Variants in PLEKHA5 observed in about 807,000 individuals in gnomAD.
PLEKHA5 encodes the protein pleckstrin homology domain-containing family A member 5.
In PLEKHA5, 55 loss-of-function variants were observed where a neutral mutation model predicts 181.9. The observed-to-expected ratio is 0.30, with a 90% CI of 0.24 to 0.38. The LOEUF (loss-of-function observed/expected upper bound fraction) is 0.38, where lower values mean the gene tolerates loss of function less well. Among genes scored for constraint, PLEKHA5 ranks in the 10% least tolerant of loss-of-function variants. The probability of loss-of-function intolerance (pLI) is 1.00; values close to 1 mark genes in which losing one functional copy is unlikely to be tolerated. For synonymous variants in PLEKHA5, 535 were observed against 529.4 expected, an observed-to-expected ratio of 1.01 and a Z score of -0.15; for missense variants, 1,432 against 1,549.5, an observed-to-expected ratio of 0.92 and a Z score of 1.27.
chr12:19,196,449 A>G (rs2152018423), intron 3 of PLEKHA5, among the ~76,000 whole-genome samples: 1 of 152,322 alleles, frequency 6.6e-6, no homozygotes. Flanking sequence ...TGTTATAAAG[A>G]ATAAAAAATA....
chr12:19,334,862 A>ATATATATATATC (rs1565630250), intron 20 of PLEKHA5, among the ~76,000 whole-genome samples: 3 of 62,690 alleles, frequency 4.8e-5, no homozygotes, highest in African/African-American at 1.4e-4. Context: ...ATATATATAT[A>ATATATATATATC]TATATATCTC....
At chr12:19,193,261 T>C (rs906838055) in intron 3 of PLEKHA5, among the ~76,000 whole-genome samples, 1 of 152,212 alleles carries the variant, frequency 6.6e-6, no homozygotes, top group South Asian at 2.1e-4. Flanking sequence ...TATAGTAAGA[T>C]TCACAAGAAT....
At chr12:19,255,232 T>C in intron 5 of PLEKHA5, 67 bp downstream of exon 5, 1 of 954,620 alleles carries the variant, frequency 1.0e-6, no homozygotes, top group Admixed American at 2.8e-5. Flanking sequence ...TTACTCATAA[T>C]GGACTTAAAA....
Position 19,376,177 on chromosome 12 carries a change from T to G in PLEKHA5, c.*658T>G, listed in dbSNP as rs1046012310. The G allele has an allele frequency of 2.0e-5, 3 of 152,388 alleles. No individual in the cohort carries two copies. The highest frequency in any genetic ancestry group is 7.2e-5 in the African/African-American group (3 of 41,390). 9.4% of individuals were successfully genotyped at this position (152,388 alleles called of 1,614,324 possible). ...AAAAAAAAAAACAAAGTGTAGGTAT[T>G]TTGAAGTACTGGGCTTATATTTCAT... On this transcript the variant is annotated 3_prime_UTR_variant, in exon 32 of 32. Transcript: ENST00000429027.
chr12:19,237,454 A>G (rs552054841), intron 3 of PLEKHA5, among the ~76,000 whole-genome samples: 54 of 152,212 alleles, frequency 3.5e-4, no homozygotes, highest in African/African-American at 1.2e-3. Flanking sequence ...AATTAGATGA[A>G]TAATTCCTCA....
In PLEKHA5 at chr12:19,261,007, T is replaced by C; in HGVS notation, c.596T>C (p.Leu199Pro). The change falls in exon 7 of 32, where the codon CTC (leucine) becomes CCC (proline). Residue 199 changes from leucine to proline, a missense_variant. Around this residue, in one of 2 missense-constraint regions of PLEKHA5, gnomAD observed 289 missense variants for 381.1 expected, o/e 0.76. Transcript: ENST00000429027. ...TGGTTTGTGCTTTCTGACCTTTGCC[T>C]CTTTTATTATAGAGGTAAGTTTACC... is the stretch of plus-strand genomic sequence containing the variant. ...KRWFVLSDLCLFYYRDEKEEG... is the reference protein window; with the variant it reads ...KRWFVLSDLCPFYYRDEKEEG... The C allele has an allele frequency of 6.3e-7, 1 of 1,592,558 alleles. No homozygotes were observed. Among genetic ancestry groups the C allele is most frequent in the Non-Finnish European group, 8.6e-7 (1 of 1,163,742 alleles).
chr12:19,357,094 A>T (rs934440626), intron 26 of PLEKHA5, among the ~76,000 whole-genome samples: 1 of 152,164 alleles, frequency 6.6e-6, no homozygotes, highest in African/African-American at 2.4e-5. Context: ...TTACGTTTTC[A>T]TCAAAATAAA....
chr12:19,152,228 T>C (rs1211171253), intron 3 of PLEKHA5: 1 of 152,228 alleles, frequency 6.6e-6, no homozygotes, highest in Non-Finnish European at 1.5e-5. Flanking sequence ...TCTTTTTTGC[T>C]GTTAGTCATT....
intron 18 of PLEKHA5, chr12:19,321,647 CG>C (rs2090888640): frequency 6.6e-6 from 1 of 150,944 alleles, no homozygotes; most frequent in Non-Finnish European, 1.5e-5. Context: ...TGCAGAGATA[CG>C]GGGGTGAGCC....
At chr12:19,346,441 A>G (rs887320023) in intron 23 of PLEKHA5, among the ~76,000 whole-genome samples, 5 of 151,728 alleles carry the variant, frequency 3.3e-5, no homozygotes, top group Non-Finnish European at 7.4e-5. Context: ...GGAGTTTGAG[A>G]CCAGCCTGGT....
At chr12:19,343,715 ATG>A (rs2094119610) in intron 22 of PLEKHA5, among the ~76,000 whole-genome samples, 1 of 152,164 alleles carries the variant, frequency 6.6e-6, no homozygotes, top group South Asian at 2.1e-4. Context: ...AGAAAAGGTA[ATG>A]TGTTACACTC....
chr12:19,245,843 C>G (rs2063613005), intron 3 of PLEKHA5, among the ~76,000 whole-genome samples: 1 of 150,790 alleles, frequency 6.6e-6, no homozygotes, highest in Non-Finnish European at 1.5e-5. Context: ...CTAAAAGGCA[C>G]AGGGCAACCC....
chr12:19,304,828 C>T (rs756222540), intron 15 of PLEKHA5, among the ~76,000 whole-genome samples: 1 of 151,896 alleles, frequency 6.6e-6, no homozygotes, highest in Non-Finnish European at 1.5e-5. Context: ...GATGTGATGC[C>T]TCATGCCTGT....
At chr12:19,201,145 C>T (rs1388217829) in intron 3 of PLEKHA5, 1 of 151,990 alleles carries the variant, frequency 6.6e-6, no homozygotes, top group Non-Finnish European at 1.5e-5. Context: ...ACTTTTACAA[C>T]TCAATAATAA....
chr12:19,263,024 G>T (rs370294563), intron 7 of PLEKHA5, among the ~76,000 whole-genome samples: 2 of 152,296 alleles, frequency 1.3e-5, no homozygotes, highest in South Asian at 2.1e-4. Context: ...AGAAACAAGA[G>T]AAATATCATT....
chr12:19,325,950 T>C (rs1264530074), intron 20 of PLEKHA5, among the ~76,000 whole-genome samples: 1 of 151,982 alleles, frequency 6.6e-6, no homozygotes, highest in Non-Finnish European at 1.5e-5. Flanking sequence ...GAGGTTGCGG[T>C]AAGCCGAGAT....
chr12:19,335,663 C>T (rs371519379), intron 20 of PLEKHA5, among the ~76,000 whole-genome samples: 7 of 146,792 alleles, frequency 4.8e-5, no homozygotes, highest in African/African-American at 1.5e-4. Context: ...CTCCTGACCT[C>T]GTGATCTGCC....
intron 26 of PLEKHA5, among the ~76,000 whole-genome samples, chr12:19,356,029 G>A (rs142102471): frequency 3.4e-3 from 522 of 152,032 alleles, no homozygotes; most frequent in African/African-American, 0.012. Context: ...GCCGGGAATG[G>A]TGGCAGGCAC....
intron 8 of PLEKHA5, among the ~76,000 whole-genome samples, chr12:19,266,562 A>G (rs7956106): frequency 0.86 from 130,216 of 151,936 alleles, 57,411 homozygotes; most frequent in Non-Finnish European, 0.97. Flanking sequence ...GTTGGACAGA[A>G]AGCTTGAACC....
Sources: allele counts gnomAD v4.1 joint callset (sites outside exome capture counted in the v4.1 genomes callset), GRCh38; gene constraint gnomAD v4.1.1; regional missense constraint gnomAD v4.1.1; transcripts MANE v1.5; gene names NCBI Gene and HGNC (gene_info 2026-07-23, HGNC 2026-07-21).